RET: variants seen among roughly 807,000 people sequenced by gnomAD.
The protein encoded by RET is proto-oncogene tyrosine-protein kinase receptor Ret.
RET carries 19 observed loss-of-function variants against 118.3 expected under a neutral mutation model. The ratio of observed to expected loss-of-function variants is 0.16; its 90% CI spans 0.11 to 0.24. RET has a LOEUF of 0.24. RET is among the 10% of genes least tolerant of loss of function. The pLI, the probability that RET is intolerant of heterozygous loss-of-function variation, is 1.00. For synonymous variants in RET, 597 were observed against 644.1 expected, an observed-to-expected ratio of 0.93 and a Z score of 1.11; for missense variants, 1,219 against 1,502.1, an observed-to-expected ratio of 0.81 and a Z score of 3.12.
At chr10:43,125,184 A>G (rs1373352760) in intron 18 of RET, among the ~76,000 whole-genome samples, 1 of 152,220 alleles carries the variant, frequency 6.6e-6, no homozygotes, top group African/African-American at 2.4e-5. Context: ...CTTCTTTTCA[A>G]GTCATGAAGA....
At chr10:43,096,297 G>A (rs1796042129) in intron 1 of RET, among the ~76,000 whole-genome samples, 1 of 152,076 alleles carries the variant, frequency 6.6e-6, no homozygotes, top group South Asian at 2.1e-4. Context: ...AGGATGGGAA[G>A]CCAACCAGCA....
intron 13 of RET, among the ~76,000 whole-genome samples, chr10:43,118,787 G>T (rs1414953940): frequency 6.6e-6 from 1 of 152,218 alleles, no homozygotes; most frequent in South Asian, 2.1e-4. Context: ...GGCCCGTGGG[G>T]CAGGGAGCTC....
At chr10:43,081,327 A>G (rs1837177691) in intron 1 of RET, among the ~76,000 whole-genome samples, 1 of 152,214 alleles carries the variant, frequency 6.6e-6, no homozygotes, top group Admixed American at 6.5e-5. Context: ...AATAACAGTA[A>G]CAATAATAGT....
At position 43,129,071 on chromosome 10, in the gene RET, A is replaced by C. The variant is rs1465708288; in HGVS notation, c.*802A>C. The C allele has an allele frequency of 8.6e-6, 2 of 233,666 alleles. No individual in the cohort carries two copies. Among genetic ancestry groups the C allele is most frequent in the Non-Finnish European group, 1.7e-5 (2 of 118,350 alleles). The allele number at this position is 233,666 out of a possible 1,614,324, so 14.5% of individuals were successfully genotyped here. On this transcript the variant is annotated 3_prime_UTR_variant, in exon 20 of 20. Coordinates refer to ENST00000355710, the MANE Select transcript of RET (RefSeq NM_020975.6). ...CGGTACTGAGCAGCCACTACCCCTGATGAGAACAGTATGAAGAAAGGGGGC... is the reference window on the plus strand; with the variant it reads ...CGGTACTGAGCAGCCACTACCCCTGCTGAGAACAGTATGAAGAAAGGGGGC...
rs79764957 is a variant in RET at position 43,109,848 on chromosome 10, C to T, written c.1263+618C>T. Among the ~76,000 whole-genome samples the T allele has an allele frequency of 9.2e-4, 140 of 152,356 alleles. 2 individuals are homozygous for T. In the East Asian group the frequency reaches 0.019, roughly 21 times the overall value. ...AGGCGTGATCCCTTCTACCCATAGG[C>T]GCCAGTGTTGCACATCGTGGTGTTC... On this transcript the variant is annotated intron_variant, in intron 6 of 19. Transcript: ENST00000355710.
intron 11 of RET, among the ~76,000 whole-genome samples, chr10:43,115,772 T>C (rs1291780342): frequency 1.3e-5 from 2 of 152,242 alleles, no homozygotes; most frequent in Non-Finnish European, 2.9e-5. Context: ...GTCGCCCTCA[T>C]GTGCTTATTG....
At chr10:43,108,898 T>A (rs1239201499) in intron 5 of RET, 133 bp from the exon 6 acceptor site, 1 of 861,902 alleles carries the variant, frequency 1.2e-6, no homozygotes, top group Non-Finnish European at 1.9e-6. Flanking sequence ...CCAGGCCTGT[T>A]GCATGGCACT....
chr10:43,126,716 C>T lies in RET; in HGVS notation c.3181C>T (p.Leu1061Phe), dbSNP rs1246188511. ...CCCTTCCACATGGATTGAAAACAAA[C>T]TCTATGGTAGAATTTCCCATGCATT... is the stretch of plus-strand genomic sequence containing the variant. ...ALPSTWIENK[L>F]YGMSDPNWPG... The change falls in exon 19 of 20, where the codon CTC becomes TTC. Residue 1061 changes from leucine to phenylalanine, a missense_variant. Physicochemically the swap from Leu to Phe is conservative, Grantham distance 22. Around this residue, in one of 5 missense-constraint regions of RET, gnomAD observed 174 missense variants for 179.3 expected, o/e 0.97. Transcript: ENST00000355710. The T allele has an allele frequency of 6.2e-7, 1 of 1,613,998 alleles. No homozygotes were observed. Among genetic ancestry groups the T allele is most frequent in the South Asian group, 1.1e-5 (1 of 91,068 alleles).
Position 43,077,311 on chromosome 10 carries a change from T to C in RET, c.53T>C (p.Leu18Pro), listed in dbSNP as rs2132498957. The change falls in exon 1 of 20, where the codon CTG becomes CCG. Residue 18 changes from leucine (L) to proline (P), a missense_variant. Leu to Pro is a moderately conservative substitution (Grantham distance 98). This residue lies in a region of RET where 38 missense variants were observed against 33.1 expected (regional missense o/e 1.15). Transcript: ENST00000355710. ...AAGLRLLLLL[L>P]LPLLGKVALG... is the part of the protein sequence containing the mutation. Reference sequence around the variant, plus strand: ...GGGCTGCGTCTGCTGTTGCTGCTGCTGCTGCCGCTGCTAGGCAAAGGTGAG... The same window carrying C: ...GGGCTGCGTCTGCTGTTGCTGCTGCCGCTGCCGCTGCTAGGCAAAGGTGAG... 1 of 1,511,688 alleles carries C rather than the reference T, an allele frequency of 6.6e-7. No individual in the cohort carries two copies. Among genetic ancestry groups the C allele is most frequent in the Non-Finnish European group, 8.8e-7 (1 of 1,135,466 alleles). 93.6% of individuals were successfully genotyped at this position (1,511,688 alleles called of 1,614,324 possible).
At chr10:43,112,253 C>T in intron 8 of RET, 29 bp downstream of exon 8, 1 of 1,550,974 alleles carries the variant, frequency 6.4e-7, no homozygotes. Context: ...CAAGGGAGGC[C>T]TGCAGGGGCG....
intron 1 of RET, among the ~76,000 whole-genome samples, chr10:43,089,973 G>A (rs1837377359): frequency 1.3e-5 from 2 of 152,370 alleles, no homozygotes; most frequent in African/African-American, 4.8e-5. Flanking sequence ...CACAGGTGGA[G>A]AGGACAGGGA....
At position 43,104,984 on chromosome 10, in the gene RET, A is replaced by G. The variant is rs1484566321; in HGVS notation, c.658A>G (p.Ser220Gly). The G allele has an allele frequency of 6.3e-7, 1 of 1,581,738 alleles. No individual in the cohort carries two copies. The highest frequency in any genetic ancestry group is 8.5e-7 in the Non-Finnish European group (1 of 1,171,186). Residue 220 changes from serine (S) to glycine (G), a missense_variant, in exon 4 of 20, where the codon AGC becomes GGC. Ser to Gly is a moderately conservative substitution (Grantham distance 56). Transcript: ENST00000355710. ...EGLPFRCAPD[S>G]LEVSTRWALD... is the part of the protein sequence containing the mutation. ...TCTGCCCTTCCGCTGCGCCCCGGAC[A>G]GCCTGGAGGTGAGCACGCGCTGGGC... is the stretch of plus-strand genomic sequence containing the variant.
intron 1 of RET, among the ~76,000 whole-genome samples, chr10:43,085,615 G>A (rs923744580): frequency 6.6e-6 from 1 of 152,188 alleles, no homozygotes; most frequent in Admixed American, 6.5e-5. Context: ...CCTCGGCTGA[G>A]AGGAGCTTAC....
chr10:43,106,522 C>T lies in RET; in HGVS notation c.1014C>T (p.Thr338=). Residue 338 remains threonine, a synonymous_variant, in exon 5 of 20, where the codon ACC becomes ACT. Coordinates refer to ENST00000355710, the MANE Select transcript of RET (RefSeq NM_020975.6). The surrounding 1 kb of genome is among the most constrained non-coding windows in gnomAD (Gnocchi z 5.1). ...TFRVEHWPNE[T]SVQANGSFVR... ...GGGTGGAACACTGGCCCAACGAGAC[C>T]TCGGTCCAGGCCAACGGCAGCTTCG... is the stretch of plus-strand genomic sequence containing the variant. 6.2e-7 allele frequency: 1 copy of T among 1,613,848 alleles called. No individual in the cohort carries two copies. Among genetic ancestry groups the T allele is most frequent in the Non-Finnish European group, 8.5e-7 (1 of 1,179,838 alleles).
intron 19 of RET, chr10:43,127,479 T>A: frequency 3.8e-6 from 4 of 1,044,044 alleles, no homozygotes; most frequent in Non-Finnish European, 4.6e-6. Context: ...CTCCTTCTTT[T>A]GTCTTTGATT....
intron 1 of RET, among the ~76,000 whole-genome samples, chr10:43,096,714 G>C (rs149184599): frequency 1.5e-3 from 222 of 152,328 alleles, no homozygotes; most frequent in African/African-American, 5.2e-3. Context: ...CTCCCCTGTG[G>C]CTGACCCACC....
intron 1 of RET, among the ~76,000 whole-genome samples, chr10:43,078,314 C>G (rs546489480): frequency 6.6e-6 from 1 of 152,228 alleles, no homozygotes; most frequent in African/African-American, 2.4e-5. Context: ...CTCCCTCACT[C>G]CTTACAAAGG....
At chr10:43,123,615 G>C (rs562144642) in intron 16 of RET, 56 bp from the exon 17 acceptor site, 1 of 1,612,540 alleles carries the variant, frequency 6.2e-7, no homozygotes, top group Non-Finnish European at 8.5e-7. Flanking sequence ...TGGGCCCCCC[G>C]GAGGGCTCTG....
rs369769303 is a variant in RET at position 43,112,849 on chromosome 10, G to A, written c.1649-4G>A. On this transcript the variant is annotated splice_polypyrimidine_tract_variant and splice_region_variant and intron_variant, in intron 8 of 19. Coordinates refer to ENST00000355710, the MANE Select transcript of RET (RefSeq NM_020975.6). ...GGTGACAGCCTGCTGTGTGTCCTGT[G>A]CAGGGATCACCAGGAACTTCTCCAC... 24 of 1,611,674 alleles carry A rather than the reference G, an allele frequency of 1.5e-5. No homozygotes were observed. Among genetic ancestry groups the A allele is most frequent in the Non-Finnish European group, 2.5e-6 (3 of 1,178,126 alleles).
Sources: gnomAD v4.1 joint callset for allele counts (sites outside exome capture counted in the v4.1 genomes callset) on GRCh38, gnomAD v4.1.1 for gene constraint, gnomAD v4.1.1 regional missense constraint, Gnocchi (gnomAD v3.1) non-coding constraint, MANE v1.5 for transcripts, NCBI Gene and HGNC (gene_info 2026-07-23, HGNC 2026-07-21) for gene names.